CERKL: variants seen among roughly 807,000 people sequenced by gnomAD.
CERKL encodes ceramide kinase-like protein.
A neutral mutation model predicts 63.4 loss-of-function variants in CERKL; 61 were observed. That is an observed-to-expected ratio of 0.96 (90% CI 0.78 to 1.19). The LOEUF (loss-of-function observed/expected upper bound fraction) is 1.19, where lower values mean the gene tolerates loss of function less well. CERKL is among the 50% of genes most tolerant of loss of function. The pLI, the probability that CERKL is intolerant of heterozygous loss-of-function variation, is 0.00. For missense variants in CERKL, 675 were observed against 655.5 expected (o/e 1.03, Z -0.33); for synonymous variants, 250 against 230.5 (o/e 1.08, Z -0.77).
At chr2:181,546,920 A>C (rs1050375355) in intron 10 of CERKL, among the ~76,000 whole-genome samples, 3 of 152,188 alleles carry the variant, frequency 2.0e-5, no homozygotes, top group Non-Finnish European at 2.9e-5. Context: ...TGTAGCTCTC[A>C]TAATTCCCAT....
At chr2:181,622,300 G>A (rs1182031829) in intron 1 of CERKL, among the ~76,000 whole-genome samples, 9 of 152,144 alleles carry the variant, frequency 5.9e-5, no homozygotes, top group East Asian at 1.9e-4. Context: ...GTGTCACACC[G>A]CATGGGGCTT....
intron 11 of CERKL, among the ~76,000 whole-genome samples, chr2:181,543,907 G>A (rs1286439716): frequency 8.0e-5 from 12 of 150,474 alleles, no homozygotes; most frequent in South Asian, 4.2e-4. Flanking sequence ...TCGCTTGAAC[G>A]TGGGAGGTGG....
At chr2:181,592,494 T>C (rs1685028660) in intron 2 of CERKL, among the ~76,000 whole-genome samples, 3 of 152,316 alleles carry the variant, frequency 2.0e-5, no homozygotes, top group Admixed American at 1.3e-4. Flanking sequence ...TGAGTATTTA[T>C]ATATTTGACG....
In CERKL at chr2:181,617,999, A is replaced by C. The variant is rs148665853; in HGVS notation, c.239-13920T>G. On this transcript the variant is annotated intron_variant, in intron 1 of 12. Transcript: ENST00000410087. ...CATTCTGAGATTTCAGCTGTCTTCT[A>C]TTAAGCCAGAGTTGAAAAAACTCAG... Among the ~76,000 whole-genome samples, 58 of 152,336 alleles carry C rather than the reference A, an allele frequency of 3.8e-4. No homozygotes were observed. The East Asian group carries it at 8.5e-3, about 22-fold the overall frequency.
intron 11 of CERKL, among the ~76,000 whole-genome samples, chr2:181,540,839 A>C (rs1687474295): frequency 6.6e-6 from 1 of 152,180 alleles, no homozygotes; most frequent in African/African-American, 2.4e-5. Context: ...TGATGGTGCA[A>C]GTGTGGAGTT....
chr2:181,633,004 C>T (rs1013158883), intron 1 of CERKL, among the ~76,000 whole-genome samples: 5 of 152,162 alleles, frequency 3.3e-5, no homozygotes, highest in African/African-American at 7.2e-5. Flanking sequence ...GACACAGAGG[C>T]GCCTGACTCT....
intron 5 of CERKL, among the ~76,000 whole-genome samples, chr2:181,556,148 C>T (rs538580150): frequency 6.6e-6 from 1 of 152,126 alleles, no homozygotes; most frequent in Admixed American, 6.6e-5. Context: ...GTCTCTCTTA[C>T]CCTTAATGTC....
chr2:181,571,311 A>G (rs1181220921), intron 3 of CERKL, among the ~76,000 whole-genome samples: 1 of 152,096 alleles, frequency 6.6e-6, no homozygotes, highest in Admixed American at 6.6e-5. Flanking sequence ...TAAATTCTAA[A>G]TTTGCTTTAC....
At chr2:181,620,870 A>C (rs1300216450) in intron 1 of CERKL, among the ~76,000 whole-genome samples, 1 of 152,202 alleles carries the variant, frequency 6.6e-6, no homozygotes, top group Non-Finnish European at 1.5e-5. Context: ...AGATGTTCTA[A>C]AAAGTATTTG....
rs1456624724 is a variant in CERKL at position 181,539,092 on chromosome 2, C to G, written c.1538G>C (p.Arg513Thr). The change falls in exon 12 of 13, where the codon AGA (arginine) becomes ACA (threonine). Residue 513 changes from arginine (R) to threonine (T), a missense_variant and splice_region_variant. Transcript: ENST00000410087. ...TAAGCGGTGAAATAAATAGACTTAC[C>G]TAATATGGACCTCTGATGCAACTTC... ...LMEVASEVHI[R>T]LHPRLISLYG... 1.3e-6 allele frequency: 2 copies of G among 1,582,376 alleles called. No homozygotes were observed. Among genetic ancestry groups the G allele is most frequent in the Non-Finnish European group, 1.7e-6 (2 of 1,151,596 alleles).
At chr2:181,623,699 G>A (rs1031549063) in intron 1 of CERKL, among the ~76,000 whole-genome samples, 1 of 152,124 alleles carries the variant, frequency 6.6e-6, no homozygotes, top group Non-Finnish European at 1.5e-5. Flanking sequence ...GTAGGTACGG[G>A]TCTAGAATCT....
chr2:181,611,810 AT>A (rs1432278207), intron 1 of CERKL, among the ~76,000 whole-genome samples: 1 of 152,242 alleles, frequency 6.6e-6, no homozygotes, highest in East Asian at 1.9e-4. Flanking sequence ...GTAAGCATGA[AT>A]ATGCATATGA....
intron 1 of CERKL, among the ~76,000 whole-genome samples, chr2:181,639,036 C>T (rs1687307351): frequency 6.6e-6 from 1 of 152,080 alleles, no homozygotes. Context: ...AAGGCATAGC[C>T]ATCAGCTATA....
At chr2:181,547,995 A>AAG in intron 8 of CERKL, 148 bp from the exon 9 acceptor site, 1 of 697,992 alleles carries the variant, frequency 1.4e-6, no homozygotes, top group Non-Finnish European at 2.2e-6. Context: ...GTAAGTAAAA[A>AAG]CGTACAATTT....
intron 2 of CERKL, among the ~76,000 whole-genome samples, chr2:181,589,682 G>A (rs1684907038): frequency 6.6e-6 from 1 of 152,106 alleles, no homozygotes; most frequent in South Asian, 2.1e-4. Flanking sequence ...ATGGACTAGA[G>A]ATCTAAAATT....
chr2:181,603,580 G>A (rs768622184), intron 2 of CERKL, among the ~76,000 whole-genome samples: 1 of 152,154 alleles, frequency 6.6e-6, no homozygotes, highest in African/African-American at 2.4e-5. Flanking sequence ...GTTATTCCTG[G>A]AATGCAAGGA....
chr2:181,612,053 T>A (rs1463261136), intron 1 of CERKL, among the ~76,000 whole-genome samples: 1 of 152,206 alleles, frequency 6.6e-6, no homozygotes, highest in African/African-American at 2.4e-5. Context: ...ATTATCTAAT[T>A]TAATCTCTAC....
At chr2:181,608,552 T>C (rs1685819434) in intron 1 of CERKL, among the ~76,000 whole-genome samples, 2 of 152,210 alleles carry the variant, frequency 1.3e-5, no homozygotes, top group Admixed American at 1.3e-4. Flanking sequence ...GTTTGTGCTT[T>C]ACTTAACAAC....
chr2:181,578,084 C>A (rs962182251), intron 2 of CERKL, among the ~76,000 whole-genome samples: 1 of 152,128 alleles, frequency 6.6e-6, no homozygotes, highest in African/African-American at 2.4e-5. Flanking sequence ...TTCAAAATCA[C>A]CTTATTTAGC....
Sources: allele counts gnomAD v4.1 joint callset (sites outside exome capture counted in the v4.1 genomes callset), GRCh38; gene constraint gnomAD v4.1.1; transcripts MANE v1.5; gene names NCBI Gene and HGNC (gene_info 2026-07-23, HGNC 2026-07-21).